The following ROBO2 variants were observed in gnomAD, a reference collection of about 807,000 sequenced individuals.
ROBO2 encodes roundabout homolog 2.
A neutral mutation model predicts 160.8 loss-of-function variants in ROBO2; 53 were observed. The observed-to-expected ratio is 0.33, with a 90% CI of 0.26 to 0.41. The LOEUF (loss-of-function observed/expected upper bound fraction) is 0.41. ROBO2 is among the 10% of genes least tolerant of loss of function. The probability of loss-of-function intolerance (pLI) is 1.00; values close to 1 mark genes in which losing one functional copy is unlikely to be tolerated. For missense variants in ROBO2, 1,577 were observed against 1,722.4 expected (o/e 0.92, Z 1.49); for synonymous variants, 664 against 611.7 (o/e 1.09, Z -1.26).
intron 1 of ROBO2, among the ~76,000 whole-genome samples, chr3:77,080,769 G>A (rs2068571330): frequency 6.6e-6 from 1 of 152,146 alleles, no homozygotes; most frequent in South Asian, 2.1e-4. Flanking sequence ...TGGTATGAAT[G>A]CAGAAAGCTT....
At chr3:76,020,844 G>A (rs1457971973) in intron 2 of ROBO2, among the ~76,000 whole-genome samples, 2 of 151,736 alleles carry the variant, frequency 1.3e-5, no homozygotes, top group Non-Finnish European at 2.9e-5. Context: ...TCACTTTTAG[G>A]TTTCCTAAAG....
chr3:77,149,176 A>C (rs532541062), intron 2 of ROBO2, among the ~76,000 whole-genome samples: 77 of 151,740 alleles, frequency 5.1e-4, no homozygotes, highest in African/African-American at 1.8e-3. Flanking sequence ...CTGGGACAAC[A>C]GGTGCACGCC....
intron 1 of ROBO2, among the ~76,000 whole-genome samples, chr3:75,911,552 C>CTTGTTTT (rs1946581987): frequency 1.2e-5 from 1 of 83,558 alleles, no homozygotes; most frequent in Non-Finnish European, 2.2e-5. Flanking sequence ...AGCCTTGTTT[C>CTTGTTTT]TTTTTTTTTT....
At chr3:76,664,163 TA>T (rs1384912526) in intron 2 of ROBO2, among the ~76,000 whole-genome samples, 2 of 152,126 alleles carry the variant, frequency 1.3e-5, no homozygotes, top group Non-Finnish European at 1.5e-5. Flanking sequence ...CAACATTGTG[TA>T]AAAGGGGTTG....
upstream of ROBO2, among the ~76,000 whole-genome samples, chr3:77,038,399 TA>T (rs2149592057): frequency 6.6e-6 from 1 of 152,348 alleles, no homozygotes; most frequent in East Asian, 1.9e-4. Flanking sequence ...CGAGGTGTCC[TA>T]ATGTCTCTTC....
intron 2 of ROBO2, among the ~76,000 whole-genome samples, chr3:77,103,966 G>A (rs1409036082): frequency 6.6e-6 from 1 of 151,586 alleles, no homozygotes; most frequent in Non-Finnish European, 1.5e-5. Context: ...TCTTATCTAG[G>A]CAAAATACCT....
At chr3:76,844,488 G>A (rs1016401106) in intron 2 of ROBO2, among the ~76,000 whole-genome samples, 1 of 151,800 alleles carries the variant, frequency 6.6e-6, no homozygotes, top group Non-Finnish European at 1.5e-5. Context: ...ACCGTGAATA[G>A]TATTTCAAAA....
At chr3:76,916,904 C>T (rs923355693) in intron 2 of ROBO2, among the ~76,000 whole-genome samples, 3 of 151,840 alleles carry the variant, frequency 2.0e-5, no homozygotes, top group Non-Finnish European at 4.4e-5. Flanking sequence ...GGGTTTATAA[C>T]ATGCAAAACA....
chr3:77,270,565 T>C (rs2059420555), intron 2 of ROBO2, among the ~76,000 whole-genome samples: 1 of 47,820 alleles, frequency 2.1e-5, no homozygotes, highest in African/African-American at 1.5e-4. Context: ...TTATTTTTAG[T>C]ACAAAAATAA....
At chr3:75,921,286 A>C (rs751514795) in intron 1 of ROBO2, among the ~76,000 whole-genome samples, 1 of 39,898 alleles carries the variant, frequency 2.5e-5, no homozygotes, top group Non-Finnish European at 5.5e-5. Context: ...TCATTCATTT[A>C]TGAAGCTTAG....
intron 2 of ROBO2, among the ~76,000 whole-genome samples, chr3:76,944,657 A>ATCTT (rs1287091908): frequency 6.6e-6 from 1 of 152,200 alleles, no homozygotes; most frequent in Non-Finnish European, 1.5e-5. Context: ...GGAGCTAATG[A>ATCTT]TCTTAATATT....
chr3:76,656,335 A>T (rs1033215615), intron 2 of ROBO2, among the ~76,000 whole-genome samples: 1 of 152,142 alleles, frequency 6.6e-6, no homozygotes, highest in Non-Finnish European at 1.5e-5. Flanking sequence ...AAACATTATT[A>T]TATCCTTCGT....
At chr3:76,968,149 A>G (rs139670883) in intron 2 of ROBO2, among the ~76,000 whole-genome samples, 2 of 152,226 alleles carry the variant, frequency 1.3e-5, no homozygotes, top group African/African-American at 2.4e-5. Context: ...CAATTATAAA[A>G]TGTTTCCAGA....
chr3:76,782,185 T>C (rs1334777181), intron 2 of ROBO2, among the ~76,000 whole-genome samples: 1 of 150,806 alleles, frequency 6.6e-6, no homozygotes, highest in African/African-American at 2.4e-5. Flanking sequence ...TTTCACATAT[T>C]TGTGAATTAT....
intron 2 of ROBO2, among the ~76,000 whole-genome samples, chr3:76,669,560 C>A (rs1426164019): frequency 6.6e-6 from 1 of 152,084 alleles, no homozygotes; most frequent in Non-Finnish European, 1.5e-5. Context: ...GCTCTGCCAC[C>A]CTGCCTGCCC....
chr3:76,181,140 A>G (rs1266103068), intron 2 of ROBO2, among the ~76,000 whole-genome samples: 3 of 151,870 alleles, frequency 2.0e-5, no homozygotes, highest in Non-Finnish European at 4.4e-5. Flanking sequence ...TTATACCTTT[A>G]TCTCCTCATA....
chr3:76,693,423 A>G (rs559646236), intron 2 of ROBO2, among the ~76,000 whole-genome samples: 2 of 149,630 alleles, frequency 1.3e-5, no homozygotes, highest in Non-Finnish European at 2.9e-5. Flanking sequence ...TATACACTAC[A>G]TATAGATACA....
chr3:77,267,072 T>C (rs911258326), intron 2 of ROBO2, among the ~76,000 whole-genome samples: 1 of 152,154 alleles, frequency 6.6e-6, no homozygotes, highest in African/African-American at 2.4e-5. Context: ...ATTCTCAGAC[T>C]CACAAAGCTT....
intron 2 of ROBO2, among the ~76,000 whole-genome samples, chr3:77,295,626 G>A (rs531181175): frequency 2.3e-5 from 2 of 87,672 alleles, no homozygotes; most frequent in African/African-American, 3.6e-5. Flanking sequence ...TAAAATTGAC[G>A]GTTAAACGGG....
Sources: gnomAD v4.1 joint callset for allele counts (sites outside exome capture counted in the v4.1 genomes callset) on GRCh38, gnomAD v4.1.1 for gene constraint, MANE v1.5 for transcripts, NCBI Gene and HGNC (gene_info 2026-07-23, HGNC 2026-07-21) for gene names.